EPHA5: variants seen among roughly 807,000 people sequenced by gnomAD.
EPHA5 encodes EPH receptor A5, also known as ephrin type-A receptor 5.
A neutral mutation model predicts 105.0 loss-of-function variants in EPHA5; 60 were observed. The observed-to-expected ratio is 0.57, with a 90% CI of 0.46 to 0.71. The LOEUF is 0.71. Among genes scored for constraint, EPHA5 ranks in the 30% least tolerant of loss-of-function variants. The probability of loss-of-function intolerance (pLI) is 0.00; values close to 1 mark genes in which losing one functional copy is unlikely to be tolerated. For missense variants in EPHA5, 1,218 were observed against 1,274.7 expected (o/e 0.96, Z 0.68); for synonymous variants, 513 against 449.1 (o/e 1.14, Z -1.80).
chr4:65,328,818 T>A (rs1202994421), intron 16 of EPHA5, among the ~76,000 whole-genome samples: 1 of 151,190 alleles, frequency 6.6e-6, no homozygotes, highest in Non-Finnish European at 1.5e-5. Flanking sequence ...TACTCCTATG[T>A]GTACTTTAAG....
intron 3 of EPHA5, among the ~76,000 whole-genome samples, chr4:65,501,076 G>A (rs1732438246): frequency 6.6e-6 from 1 of 151,396 alleles, no homozygotes; most frequent in Non-Finnish European, 1.5e-5. Context: ...TTCAAAATAA[G>A]GTACTCAGAA....
intron 3 of EPHA5, among the ~76,000 whole-genome samples, chr4:65,539,244 A>C (rs942117991): frequency 6.6e-6 from 1 of 151,744 alleles, no homozygotes; most frequent in South Asian, 2.1e-4. Flanking sequence ...AAGTCTTCAA[A>C]GAGTGGATCA....
intron 3 of EPHA5, among the ~76,000 whole-genome samples, chr4:65,542,928 C>A (rs1223227387): frequency 1.3e-5 from 2 of 152,016 alleles, no homozygotes; most frequent in Admixed American, 1.3e-4. Flanking sequence ...ATATGCAAAT[C>A]AATAAACATA....
intron 5 of EPHA5, among the ~76,000 whole-genome samples, chr4:65,483,222 A>G (rs375041626): frequency 1.3e-5 from 2 of 152,274 alleles, no homozygotes; most frequent in East Asian, 1.9e-4. Flanking sequence ...AGTATTCCAT[A>G]GTGTATATGT....
At chr4:65,366,973 A>C (rs1052629827) in intron 9 of EPHA5, among the ~76,000 whole-genome samples, 20 of 151,820 alleles carry the variant, frequency 1.3e-4, no homozygotes, top group African/African-American at 4.8e-4. Context: ...AGAAGAAAAA[A>C]AAAACCTGAG....
chr4:65,371,590 G>T (rs191978578), intron 8 of EPHA5, among the ~76,000 whole-genome samples: 144 of 152,064 alleles, frequency 9.5e-4, no homozygotes, highest in Admixed American at 8.1e-3. Flanking sequence ...GTATAAATTT[G>T]GGACTTGATA....
intron 5 of EPHA5, among the ~76,000 whole-genome samples, chr4:65,446,211 AT>A (rs1560544364): frequency 6.6e-6 from 1 of 152,164 alleles, no homozygotes; most frequent in Admixed American, 6.6e-5. Context: ...ATTGTCTATT[AT>A]TTTTAAAACT....
chr4:65,407,023 G>C (rs1212010100), intron 7 of EPHA5, among the ~76,000 whole-genome samples: 1 of 151,866 alleles, frequency 6.6e-6, no homozygotes, highest in Non-Finnish European at 1.5e-5. Context: ...TCACCTATTT[G>C]ATTCAAATCT....
At chr4:65,557,233 G>GAGATATATATAT (rs1553938489) in intron 3 of EPHA5, among the ~76,000 whole-genome samples, 2 of 90,926 alleles carry the variant, frequency 2.2e-5, no homozygotes, top group Middle Eastern at 6.1e-3. Flanking sequence ...TTTATACTGG[G>GAGATATATATAT]ATATATATAT....
chr4:65,558,023 G>A (rs1738631223), intron 3 of EPHA5, among the ~76,000 whole-genome samples: 1 of 151,650 alleles, frequency 6.6e-6, no homozygotes, highest in African/African-American at 2.4e-5. Flanking sequence ...ATTACAGGTG[G>A]GTGCCACCAC....
At chr4:65,643,522 A>G in intron 1 of EPHA5, 95 bp from the exon 2 acceptor site, 1 of 1,008,326 alleles carries the variant, frequency 9.9e-7, no homozygotes, top group African/African-American at 1.6e-5. Context: ...CATGTTGTTT[A>G]CATAACTGAA....
chr4:65,551,175 A>G lies in EPHA5; in HGVS notation c.910+50466T>C, dbSNP rs537254049. ...TATCATTTATTATCCAAACATAAGT[A>G]GGTTTGGATAAATAAATGATATGTT... On this transcript the variant is annotated intron_variant, in intron 3 of 16. Coordinates refer to ENST00000613740, the MANE Select transcript of EPHA5 (RefSeq NM_001281766.3). Among the ~76,000 whole-genome samples the G allele has an allele frequency of 7.4e-3, 435 of 58,828 alleles. 1 individual carries two copies. The highest frequency in any genetic ancestry group is 0.032 in the African/African-American group (420 of 13,064). The allele number at this position is 58,828 out of a possible 152,430, so 38.6% of individuals were successfully genotyped here. A position where few individuals can be genotyped will look rare whatever the true frequency, so the allele number is the denominator to read the frequency against.
At chr4:65,506,857 A>C (rs2149252080) in intron 3 of EPHA5, among the ~76,000 whole-genome samples, 1 of 152,038 alleles carries the variant, frequency 6.6e-6, no homozygotes, top group Admixed American at 6.6e-5. Context: ...GAAGCTCTTT[A>C]GTTTAATTAG....
In EPHA5 at chr4:65,365,649, CTATATATATATATATATATATATA is replaced by C. The variant is rs57048004; in HGVS notation, c.1987+259_1987+282del. 1.9e-4 allele frequency among the ~76,000 whole-genome samples: 12 copies of C among 64,848 alleles called. 1 individual carries two copies. Among genetic ancestry groups the C allele is most frequent in the African/African-American group, 3.4e-4 (8 of 23,808 alleles). 42.5% of individuals were successfully genotyped at this position (64,848 alleles called of 152,430 possible). On this transcript the variant is annotated intron_variant, in intron 10 of 16. Coordinates refer to ENST00000613740, the MANE Select transcript of EPHA5 (RefSeq NM_001281766.3). ...AATACTTTTGGGTATTACAAATTCA[CTATATATATATATATATATATATA>C]TATATATATATATATAGTGAAACAT...
At chr4:65,621,651 A>G (rs946808885) in intron 2 of EPHA5, among the ~76,000 whole-genome samples, 1 of 152,146 alleles carries the variant, frequency 6.6e-6, no homozygotes, top group Non-Finnish European at 1.5e-5. Flanking sequence ...CAGGAGAAAC[A>G]TTAATATACA....
In EPHA5 at chr4:65,439,306, G is replaced by C. The variant is rs541729454; in HGVS notation, c.1403-18741C>G. On this transcript the variant is annotated intron_variant, in intron 5 of 16. Transcript: ENST00000613740. The stretch of plus-strand genomic sequence containing the variant: ...TCCAGATATTTAACACTTTGGTACT[G>C]CTTAGATTTACTGTACAAGTTAGGT... Among the ~76,000 whole-genome samples, 10 of 152,174 alleles carry C rather than the reference G, an allele frequency of 6.6e-5. 1 individual carries two copies. Among genetic ancestry groups the C allele is most frequent in the Admixed American group, 2.6e-4 (4 of 15,268 alleles).
intron 2 of EPHA5, among the ~76,000 whole-genome samples, chr4:65,629,028 G>C (rs1746398047): frequency 6.6e-6 from 1 of 152,132 alleles, no homozygotes; most frequent in Admixed American, 6.6e-5. Context: ...TAAGAAATAA[G>C]ATGAATTGGA....
chr4:65,514,609 G>C (rs948466610), intron 3 of EPHA5, among the ~76,000 whole-genome samples: 1 of 152,152 alleles, frequency 6.6e-6, no homozygotes, highest in Admixed American at 6.6e-5. Flanking sequence ...TCTAGGCCTT[G>C]TCTAAATGGC....
chr4:65,374,396 T>C (rs1490281771), intron 8 of EPHA5, among the ~76,000 whole-genome samples: 1 of 151,898 alleles, frequency 6.6e-6, no homozygotes, highest in Non-Finnish European at 1.5e-5. Context: ...GATAAAAGGA[T>C]TTAAAAAGGC....
Sources: gnomAD v4.1 joint callset for allele counts (sites outside exome capture counted in the v4.1 genomes callset) on GRCh38, gnomAD v4.1.1 for gene constraint, MANE v1.5 for transcripts, NCBI Gene and HGNC (gene_info 2026-07-23, HGNC 2026-07-21) for gene names.